The following ZNF446 variants were observed in gnomAD, a reference collection of about 807,000 sequenced individuals.
ZNF446 encodes the protein zinc finger protein 446, also known as zinc finger protein with KRAB and SCAN domains 20.
In ZNF446, 42 loss-of-function variants were observed where a neutral mutation model predicts 34.0. The ratio of observed to expected loss-of-function variants is 1.23; its 90% confidence interval spans 0.96 to 1.60. ZNF446 has a LOEUF of 1.60. ZNF446 is among the 40% of genes most tolerant of loss of function. The pLI is 0.00. For missense variants in ZNF446, 650 were observed against 600.2 expected, an observed-to-expected ratio of 1.08 and a Z score of -0.87; for synonymous variants, 315 against 251.0, an observed-to-expected ratio of 1.25 and a Z score of -2.41.
rs912068748 is a variant in ZNF446 at position 58,480,916 on chromosome 19, C to T, written c.*190C>T. 1.4e-6 allele frequency: 1 copy of T among 691,340 alleles called. No homozygotes were observed. The highest frequency in any genetic ancestry group is 2.4e-6 in the Non-Finnish European group (1 of 423,148). 42.8% of individuals were successfully genotyped at this position (691,340 alleles called of 1,614,324 possible). On this transcript the variant is annotated 3_prime_UTR_variant, in exon 7 of 7. Coordinates refer to ENST00000594369, the MANE Select transcript of ZNF446 (RefSeq NM_017908.4). The surrounding 1 kb of genome is among the most constrained non-coding windows in gnomAD (Gnocchi z 7.2). ...GTGCAAGGAAAAGGAGCTGCTCTCT[C>T]TCTTCTTGCCCCTGCCTCCTAGAGG... is the stretch of plus-strand genomic sequence containing the variant.
rs983668792 is a variant in ZNF446, at chr19:58,476,375, C to G, written c.-170C>G. On this transcript the variant is annotated 5_prime_UTR_variant, in exon 1 of 7. Transcript: ENST00000594369. Reference sequence around the variant, plus strand: ...GCCTTTCCTACCCTCAACGCCGTTCCGGGGGGCCGGGCCTGGCAAGTCCTC... The same window carrying G: ...GCCTTTCCTACCCTCAACGCCGTTCGGGGGGGCCGGGCCTGGCAAGTCCTC... 6.6e-6 allele frequency: 1 copy of G among 152,408 alleles called. No homozygotes were observed. The highest frequency in any genetic ancestry group is 1.9e-4 in the East Asian group (1 of 5,178). The allele number at this position is 152,408 out of a possible 1,614,324, so 9.4% of individuals were successfully genotyped here.
chr19:58,478,639 G>A (rs907111277), intron 4 of ZNF446, among the ~76,000 whole-genome samples: 9 of 151,640 alleles, frequency 5.9e-5, no homozygotes, highest in Non-Finnish European at 1.0e-4. Flanking sequence ...GCTCCAGCCT[G>A]GTCAACAAGA....
chr19:58,482,029 C>T (rs1488382144), downstream of ZNF446, among the ~76,000 whole-genome samples: 6 of 152,124 alleles, frequency 3.9e-5, no homozygotes, highest in South Asian at 2.1e-4. Context: ...CTCCTGACCT[C>T]GTGATCCACC....
the ZNF446 span, among the ~76,000 whole-genome samples, chr19:58,487,181 A>T: frequency 6.6e-6 from 1 of 152,164 alleles, no homozygotes; most frequent in African/African-American, 2.4e-5. Flanking sequence ...ACAGAACAGG[A>T]CCTGTGAATT....
chr19:58,484,364 G>T (rs1264930423), downstream of ZNF446, among the ~76,000 whole-genome samples: 1 of 151,268 alleles, frequency 6.6e-6, no homozygotes, highest in Non-Finnish European at 1.5e-5. Flanking sequence ...TACTTGGAAG[G>T]CTGAGGCAGG....
the ZNF446 span, among the ~76,000 whole-genome samples, chr19:58,488,768 G>A: frequency 1.5e-4 from 23 of 149,436 alleles, no homozygotes; most frequent in Non-Finnish European, 5.9e-5. Context: ...GGAGAATGGC[G>A]TGAACCCAGG....
chr19:58,482,652 C>T (rs1022663492), downstream of ZNF446, among the ~76,000 whole-genome samples: 3 of 152,194 alleles, frequency 2.0e-5, no homozygotes, highest in Admixed American at 6.5e-5. Flanking sequence ...GAGGGAGGCT[C>T]TCCTCAGAGG....
rs777634103 is a variant in ZNF446 at position 58,479,913 on chromosome 19, GC to G, written c.713-11del. The G allele has an allele frequency of 5.1e-6, 8 of 1,553,670 alleles. No homozygotes were observed. The highest frequency in any genetic ancestry group is 6.1e-6 in the Non-Finnish European group (7 of 1,151,252). ...TCATGCAAACCCCATGCCTAACTGT[GC>G]CCCCCACCCGGGCAGGGTTACCGCC... On this transcript the variant is annotated splice_polypyrimidine_tract_variant and intron_variant, in intron 5 of 6. Coordinates refer to ENST00000594369, the MANE Select transcript of ZNF446 (RefSeq NM_017908.4).
chr19:58,489,461 G>C, the ZNF446 span, among the ~76,000 whole-genome samples: 1 of 152,136 alleles, frequency 6.6e-6, no homozygotes, highest in African/African-American at 2.4e-5. Context: ...CCACCAAGTT[G>C]TCCTTAAAAA....
chr19:58,480,710 G>A lies in ZNF446; in HGVS notation c.1337G>A (p.Arg446Gln), dbSNP rs571573988. Residue 446 changes from arginine to glutamine, a missense_variant, in exon 7 of 7, where the codon CGG becomes CAG. Arg to Gln is a conservative substitution (Grantham distance 43, BLOSUM62 1). Transcript: ENST00000594369. The surrounding 1 kb of genome is among the most constrained non-coding windows in gnomAD (Gnocchi z 7.2). ...SQLVIHRKGHRPEVP is the reference protein window; with the variant it reads ...SQLVIHRKGHQPEVP ...CTGGTCATCCACCGCAAGGGCCACCGGCCGGAGGTTCCATGAGCAGCCAGA... is the reference window on the plus strand; with the variant it reads ...CTGGTCATCCACCGCAAGGGCCACCAGCCGGAGGTTCCATGAGCAGCCAGA... 55 of 1,604,780 alleles carry A rather than the reference G, an allele frequency of 3.4e-5. No individual in the cohort carries two copies. The highest frequency in any genetic ancestry group is 1.5e-4 in the Admixed American group (9 of 60,006).
chr19:58,477,239 C>G lies in ZNF446; in HGVS notation c.21C>G (p.Pro7=). Residue 7 remains proline, a synonymous_variant, in exon 2 of 7, where the codon CCC becomes CCG. Transcript: ENST00000594369. ...CAAGAATGCCATCCCCTCTGGGTCC[C>G]CCATGCCTGCCCGTCATGGACCCAG... MPSPLG[P]PCLPVMDPET... 1 of 1,586,456 alleles carries G rather than the reference C, an allele frequency of 6.3e-7. No homozygotes were observed. Among genetic ancestry groups the G allele is most frequent in the Non-Finnish European group, 8.6e-7 (1 of 1,163,942 alleles).
Position 58,478,014 on chromosome 19 carries a change from G to C in ZNF446, c.533-73G>C, listed in dbSNP as rs1054564501. On this transcript the variant is annotated intron_variant, in intron 3 of 6. Transcript: ENST00000594369. Reference sequence around the variant, plus strand: ...TGGCTACGTGCCATGTCACACAGCAGAGGAGCTCCTCATCTGCCATGGCTC... The same window carrying C: ...TGGCTACGTGCCATGTCACACAGCACAGGAGCTCCTCATCTGCCATGGCTC... 5 of 1,455,708 alleles carry C rather than the reference G, an allele frequency of 3.4e-6. No homozygotes were observed. The African/African-American group carries it at 5.7e-5, about 17-fold the overall frequency. 90.2% of individuals were successfully genotyped at this position (1,455,708 alleles called of 1,614,324 possible). A position where few individuals can be genotyped will look rare whatever the true frequency, so the allele number is the denominator to read the frequency against.
In ZNF446 at chr19:58,480,150, C is replaced by G. The variant is rs765749658; in HGVS notation, c.803-26C>G. The G allele has an allele frequency of 3.2e-6, 5 of 1,583,744 alleles. No homozygotes were observed. Among genetic ancestry groups the G allele is most frequent in the South Asian group, 1.1e-5 (1 of 89,482 alleles). ...AGGGAGGGGTTGCTGAGTGCCGGGA[C>G]TCACCTGGTTTGCCCCTGCCCCCAG... is the stretch of plus-strand genomic sequence containing the variant. On this transcript the variant is annotated intron_variant, in intron 6 of 6. Coordinates refer to ENST00000594369, the MANE Select transcript of ZNF446 (RefSeq NM_017908.4). The surrounding 1 kb of genome is among the most constrained non-coding windows in gnomAD (Gnocchi z 7.2).
At chr19:58,484,271 TAAA>T (rs34356403), downstream of ZNF446, among the ~76,000 whole-genome samples, 12,145 of 66,050 alleles carry the variant, frequency 0.18, 723 homozygotes, top group Non-Finnish European at 0.21. Context: ...ACCCCATCTC[TAAA>T]AAAAAAAAAA....
chr19:58,480,407 C>CA lies in ZNF446; in HGVS notation c.1035dup (p.Val346SerfsTer53). 1 of 1,612,962 alleles carries CA rather than the reference C, an allele frequency of 6.2e-7. No homozygotes were observed. Among genetic ancestry groups the CA allele is most frequent in the Non-Finnish European group, 8.5e-7 (1 of 1,179,950 alleles). On this transcript the variant is annotated frameshift_variant, in exon 7 of 7. Transcript: ENST00000594369. LOFTEE classifies it low-confidence loss of function (END_TRUNC). This position sits in a 1 kb window ranked among gnomAD's most constrained non-coding sequence, Gnocchi z 7.2. ...TGTGGCCGCGGCTTCGACTGGAAGT[C>CA]AGTGTTCGTCATCCACCACCGGACA...
chr19:58,477,431 G>A lies in ZNF446; in HGVS notation c.213G>A (p.Leu71=), dbSNP rs1377367102. 1.9e-6 allele frequency: 3 copies of A among 1,613,436 alleles called. No homozygotes were observed. Among genetic ancestry groups the A allele is most frequent in the Non-Finnish European group, 2.5e-6 (3 of 1,180,028 alleles). The part of the protein sequence containing the change: ...SKEQMLEMLV[L]EQFLGTLPPE... ...AGCAGATGCTGGAGATGCTGGTGCT[G>A]GAGCAGTTCCTGGGCACACTGCCTC... Residue 71 remains leucine (L), a synonymous_variant, in exon 2 of 7, where the codon CTG becomes CTA. Coordinates refer to ENST00000594369, the MANE Select transcript of ZNF446 (RefSeq NM_017908.4).
At chr19:58,486,099 T>C (rs2053167455), downstream of ZNF446, among the ~76,000 whole-genome samples, 1 of 145,390 alleles carries the variant, frequency 6.9e-6, no homozygotes, top group South Asian at 2.3e-4. Flanking sequence ...TTTTTTTTTT[T>C]TTTTTTTTTT....
In ZNF446 at chr19:58,480,044, T is replaced by C. The variant is rs756873888; in HGVS notation, c.802+25T>C. 14 of 1,570,724 alleles carry C rather than the reference T, an allele frequency of 8.9e-6. No homozygotes were observed. Among genetic ancestry groups the C allele is most frequent in the Non-Finnish European group, 1.0e-5 (12 of 1,163,756 alleles). ...GGTGAGTGCCCCACACCATCCAGCC[T>C]GAATCACCCCTCCTGTATCGGTGGG... On this transcript the variant is annotated intron_variant, in intron 6 of 6. Coordinates refer to ENST00000594369, the MANE Select transcript of ZNF446 (RefSeq NM_017908.4). This position sits in a 1 kb window ranked among gnomAD's most constrained non-coding sequence, Gnocchi z 7.2.
rs745917976 is a variant in ZNF446 at position 58,477,397 on chromosome 19, A to G, written c.179A>G (p.His60Arg). 6.2e-7 allele frequency: 1 copy of G among 1,613,214 alleles called. No individual in the cohort carries two copies. Among genetic ancestry groups the G allele is most frequent in the Non-Finnish European group, 8.5e-7 (1 of 1,179,952 alleles). Residue 60 changes from histidine (H) to arginine (R), a missense_variant, in exon 2 of 7, where the codon CAC (histidine) becomes CGC (arginine). Transcript: ENST00000594369. Reference protein sequence around the residue: ...LCCQWLQPEAHSKEQMLEMLV... With the variant: ...LCCQWLQPEARSKEQMLEMLV... Reference sequence around the variant, plus strand: ...TGCCAGTGGCTGCAGCCTGAGGCACACTCCAAGGAGCAGATGCTGGAGATG... The same window carrying G: ...TGCCAGTGGCTGCAGCCTGAGGCACGCTCCAAGGAGCAGATGCTGGAGATG...
Sources: gnomAD v4.1 joint callset for allele counts (sites outside exome capture counted in the v4.1 genomes callset) on GRCh38, gnomAD v4.1.1 for gene constraint, Gnocchi (gnomAD v3.1) non-coding constraint, MANE v1.5 for transcripts, NCBI Gene and HGNC (gene_info 2026-07-23, HGNC 2026-07-21) for gene names.